Variants in SERPINE2 observed in about 807,000 individuals in gnomAD.
SERPINE2 encodes serpin family E member 2, also known as glia-derived nexin.
In SERPINE2, 14 loss-of-function variants were observed where a neutral mutation model predicts 36.3. That is an observed-to-expected ratio of 0.39 (90% CI 0.25 to 0.60). SERPINE2 has a LOEUF of 0.60. Ranked by LOEUF, SERPINE2 falls within the 20% of genes least tolerant of loss-of-function variation. The pLI, the probability that SERPINE2 is intolerant of heterozygous loss-of-function variation, is 0.57. For missense variants in SERPINE2, 418 were observed against 499.6 expected (o/e 0.84, Z 1.56); for synonymous variants, 192 against 191.8 (o/e 1.00, Z -0.01).
At chr2:223,979,061 C>T (rs1331688372) in intron 7 of SERPINE2, 7 of 152,038 alleles carry the variant, frequency 4.6e-5, no homozygotes, top group South Asian at 2.1e-4. Context: ...ATCTTGAACT[C>T]GCAGCCTCCA....
chr2:224,006,609 G>C (rs1313442373), intron 1 of SERPINE2, among the ~76,000 whole-genome samples: 1 of 152,128 alleles, frequency 6.6e-6, no homozygotes, highest in Non-Finnish European at 1.5e-5. Flanking sequence ...CGGAAAGCAG[G>C]GACTGTAGAC....
chr2:223,993,383 A>G (rs1574821401), intron 3 of SERPINE2, among the ~76,000 whole-genome samples: 1 of 152,146 alleles, frequency 6.6e-6, no homozygotes, highest in African/African-American at 2.4e-5. Context: ...TTTATTATAC[A>G]GTTATTATAC....
At chr2:223,977,037 C>T (rs1690041213) in intron 8 of SERPINE2, among the ~76,000 whole-genome samples, 2 of 152,336 alleles carry the variant, frequency 1.3e-5, no homozygotes, top group African/African-American at 4.8e-5. Context: ...ATTCTCTCCC[C>T]TGCTGCCCTG....
intron 3 of SERPINE2, among the ~76,000 whole-genome samples, chr2:223,992,495 G>A (rs994029841): frequency 6.6e-6 from 1 of 152,036 alleles, no homozygotes; most frequent in African/African-American, 2.4e-5. Flanking sequence ...ATGTTATTAA[G>A]GGTGAATGCT....
intron 1 of SERPINE2, chr2:224,030,885 G>C (rs1254207405): frequency 1.2e-6 from 1 of 803,454 alleles, no homozygotes; most frequent in Non-Finnish European, 1.5e-6. Context: ...CCAAAGGTCA[G>C]TACTAATTTT....
intron 1 of SERPINE2, chr2:224,030,637 T>G (rs1692331975): frequency 6.6e-6 from 1 of 152,320 alleles, no homozygotes; most frequent in Non-Finnish European, 1.5e-5. Context: ...CTCCAAATCC[T>G]CCACACTCTT....
intron 1 of SERPINE2, among the ~76,000 whole-genome samples, chr2:224,011,125 C>A (rs965457927): frequency 2.0e-5 from 3 of 152,154 alleles, no homozygotes; most frequent in Admixed American, 2.0e-4. Flanking sequence ...ATCATTAAAT[C>A]TGGTTTACCT....
chr2:223,999,891 A>T (rs1691043627), intron 2 of SERPINE2, among the ~76,000 whole-genome samples: 1 of 152,212 alleles, frequency 6.6e-6, no homozygotes, highest in African/African-American at 2.4e-5. Flanking sequence ...AATCACCAGG[A>T]GTTTTCTGAA....
intron 1 of SERPINE2, among the ~76,000 whole-genome samples, chr2:224,005,065 T>TATA (rs1553547020): frequency 0.027 from 892 of 33,104 alleles, 22 homozygotes; most frequent in Non-Finnish European, 0.045. Context: ...TTTATATATA[T>TATA]TATATATATA....
intron 4 of SERPINE2, among the ~76,000 whole-genome samples, chr2:223,986,247 G>A (rs75654987): frequency 0.012 from 1,822 of 152,238 alleles, 36 homozygotes; most frequent in African/African-American, 0.041. Context: ...TTTCCCTAAG[G>A]AAGAAACAAC....
chr2:223,999,458 T>A (rs1043794668), intron 2 of SERPINE2, among the ~76,000 whole-genome samples: 1 of 152,138 alleles, frequency 6.6e-6, no homozygotes, highest in African/African-American at 2.4e-5. Context: ...TGAATGTGCG[T>A]CCTCTTCAGG....
chr2:224,014,775 T>C (rs1307929155), intron 1 of SERPINE2, among the ~76,000 whole-genome samples: 6 of 152,234 alleles, frequency 3.9e-5, no homozygotes, highest in African/African-American at 1.2e-4. Context: ...TGTAAACAAG[T>C]GTCCCCTATT....
At chr2:223,979,683 A>T (rs542602011) in intron 7 of SERPINE2, 1 of 152,398 alleles carries the variant, frequency 6.6e-6, no homozygotes, top group Admixed American at 6.5e-5. Flanking sequence ...TTATCAAGGA[A>T]GGCTGTACAG....
intron 4 of SERPINE2, among the ~76,000 whole-genome samples, chr2:223,987,052 A>G (rs144262120): frequency 7.9e-5 from 12 of 152,270 alleles, no homozygotes; most frequent in African/African-American, 2.9e-4. Context: ...ATCTGGGGTT[A>G]TAAGACCTGT....
At chr2:223,983,867 A>G (rs1051344456) in intron 5 of SERPINE2, among the ~76,000 whole-genome samples, 1 of 151,748 alleles carries the variant, frequency 6.6e-6, no homozygotes, top group Non-Finnish European at 1.5e-5. Context: ...CAGATGGGCT[A>G]TAATGGTAAA....
At chr2:223,995,338 T>C (rs1559202470) in intron 3 of SERPINE2, among the ~76,000 whole-genome samples, 1 of 152,164 alleles carries the variant, frequency 6.6e-6, no homozygotes, top group Non-Finnish European at 1.5e-5. Flanking sequence ...AGCTCTACCA[T>C]GTGGTCATGT....
chr2:224,033,678 G>T (rs1402515926), intron 1 of SERPINE2, among the ~76,000 whole-genome samples: 3 of 115,190 alleles, frequency 2.6e-5, no homozygotes, highest in Non-Finnish European at 5.7e-5. Context: ...AAAAAAAAAA[G>T]TCACCAAGAG....
intron 1 of SERPINE2, among the ~76,000 whole-genome samples, chr2:224,038,255 G>C (rs919180031): frequency 1.6e-4 from 25 of 151,874 alleles, no homozygotes; most frequent in African/African-American, 6.1e-4. Flanking sequence ...ATATAAGAAC[G>C]TCCCCTGCAA....
intron 1 of SERPINE2, chr2:224,030,859 T>G: frequency 1.7e-6 from 1 of 598,404 alleles, no homozygotes. Flanking sequence ...TGTGTAAATC[T>G]CTCTACCTTC....
Sources: allele counts gnomAD v4.1 joint callset (sites outside exome capture counted in the v4.1 genomes callset), GRCh38; gene constraint gnomAD v4.1.1; transcripts MANE v1.5; gene names NCBI Gene and HGNC (gene_info 2026-07-23, HGNC 2026-07-21).